PRICKLE1: variants seen among roughly 807,000 people sequenced by gnomAD.
The protein encoded by PRICKLE1 is prickle planar cell polarity protein 1.
In PRICKLE1, 14 loss-of-function variants were observed where a neutral mutation model predicts 70.2. The observed-to-expected ratio is 0.20, with a 90% CI of 0.13 to 0.31. The LOEUF is 0.31. Among genes scored for constraint, PRICKLE1 ranks in the 10% least tolerant of loss-of-function variants. The pLI is 1.00. For synonymous variants in PRICKLE1, 357 were observed against 379.9 expected (o/e 0.94, Z 0.70); for missense variants, 821 against 1,026.2 (o/e 0.80, Z 2.73).
chr12:42,465,227 C>T lies in PRICKLE1; in HGVS notation c.807G>A (p.Gly269=), dbSNP rs757752736. 6.2e-7 allele frequency: 1 copy of T among 1,613,900 alleles called. No individual in the cohort carries two copies. Among genetic ancestry groups the T allele is most frequent in the Non-Finnish European group, 8.5e-7 (1 of 1,179,974 alleles). Residue 269 remains glycine (G), a synonymous_variant, in exon 7 of 8, where the codon GGG becomes GGA. Transcript: ENST00000345127. Reference sequence around the variant, plus strand: ...AGGCTTCCGTGGCGTGCCAGTGCTGCCCGTCATAGGTCATCTGTGCATGGT... The same window carrying T: ...AGGCTTCCGTGGCGTGCCAGTGCTGTCCGTCATAGGTCATCTGTGCATGGT... ...GVDHAQMTYD[G]QHWHATEACF... is the part of the protein sequence containing the mutation.
At chr12:42,520,440 A>G (rs529333125) in intron 1 of PRICKLE1, among the ~76,000 whole-genome samples, 78 of 152,328 alleles carry the variant, frequency 5.1e-4, no homozygotes, top group Middle Eastern at 3.4e-3. Context: ...AAGACATTTC[A>G]TTCTCCCTTA....
At chr12:42,480,200 A>G (rs1938743219) in intron 1 of PRICKLE1, among the ~76,000 whole-genome samples, 1 of 152,114 alleles carries the variant, frequency 6.6e-6, no homozygotes, top group African/African-American at 2.4e-5. Context: ...CCTGTCTCTT[A>G]TTAAGGTGCC....
intron 1 of PRICKLE1, among the ~76,000 whole-genome samples, chr12:42,503,089 T>C (rs10880308): frequency 0.34 from 52,007 of 152,114 alleles, 10,847 homozygotes; most frequent in East Asian, 0.5. Flanking sequence ...CTAAATCAAT[T>C]TGGACTTGTG....
rs187098220 is a variant in PRICKLE1 at position 42,582,110 on chromosome 12, G to A, written c.-49+7355C>T. Among the ~76,000 whole-genome samples the A allele has an allele frequency of 4.3e-3, 657 of 152,298 alleles. 6 individuals are homozygous for A. The highest frequency in any genetic ancestry group is 7.1e-3 in the Non-Finnish European group (485 of 68,020). ...CACTTTTGGCAGTACTTGAGGACACGTTTTTGGCTATTAGCCTGCCAAGCT... is the reference window on the plus strand; with the variant it reads ...CACTTTTGGCAGTACTTGAGGACACATTTTTGGCTATTAGCCTGCCAAGCT... On this transcript the variant is annotated intron_variant, in intron 1 of 7. Transcript: ENST00000345127.
chr12:42,554,058 C>A (rs1592024103), intron 1 of PRICKLE1, among the ~76,000 whole-genome samples: 1 of 152,142 alleles, frequency 6.6e-6, no homozygotes, highest in Non-Finnish European at 1.5e-5. Flanking sequence ...GGACTGAGAT[C>A]CCACCATTGC....
At chr12:42,559,247 A>C (rs534898191) in intron 1 of PRICKLE1, among the ~76,000 whole-genome samples, 1 of 152,318 alleles carries the variant, frequency 6.6e-6, no homozygotes, top group African/African-American at 2.4e-5. Flanking sequence ...TTGAACTGTC[A>C]GAGACCTTAA....
intron 1 of PRICKLE1, among the ~76,000 whole-genome samples, chr12:42,525,904 T>C (rs1939791536): frequency 1.3e-5 from 2 of 152,230 alleles, no homozygotes; most frequent in Non-Finnish European, 1.5e-5. Flanking sequence ...AGATGTCATA[T>C]GTCATTATGA....
chr12:42,489,656 CT>C (rs1207841262), intron 1 of PRICKLE1: 1 of 47,962 alleles, frequency 2.1e-5, no homozygotes, highest in African/African-American at 8.3e-5. Flanking sequence ...CGAGACTTCT[CT>C]AAAAAAAAAA....
At chr12:42,568,700 T>G (rs571967345) in intron 1 of PRICKLE1, among the ~76,000 whole-genome samples, 1 of 152,340 alleles carries the variant, frequency 6.6e-6, no homozygotes, top group African/African-American at 2.4e-5. Context: ...TGAATTTGTT[T>G]TTATAGATTT....
chr12:42,536,118 G>A (rs1410224130), intron 1 of PRICKLE1, among the ~76,000 whole-genome samples: 1 of 152,158 alleles, frequency 6.6e-6, no homozygotes, highest in African/African-American at 2.4e-5. Flanking sequence ...ACGCTCAAAT[G>A]TGCAAAAGCC....
At chr12:42,523,314 G>C (rs946566240) in intron 1 of PRICKLE1, among the ~76,000 whole-genome samples, 1 of 152,148 alleles carries the variant, frequency 6.6e-6, no homozygotes, top group Non-Finnish European at 1.5e-5. Context: ...AGCATTAAAA[G>C]GTTAACCAAG....
chr12:42,478,157 T>C (rs1938644049), intron 1 of PRICKLE1, among the ~76,000 whole-genome samples: 1 of 152,188 alleles, frequency 6.6e-6, no homozygotes, highest in South Asian at 2.1e-4. Context: ...GTGGGATCCA[T>C]TTGAGAGTGT....
intron 1 of PRICKLE1, among the ~76,000 whole-genome samples, chr12:42,555,260 C>A (rs1188092228): frequency 6.6e-6 from 1 of 152,124 alleles, no homozygotes; most frequent in Non-Finnish European, 1.5e-5. Flanking sequence ...GTCGAGATCA[C>A]GCCATTGCAC....
At position 42,468,837 on chromosome 12, in the gene PRICKLE1, C is replaced by A; in HGVS notation, c.385-8G>T. 6.2e-7 allele frequency: 1 copy of A among 1,613,496 alleles called. No homozygotes were observed. Among genetic ancestry groups the A allele is most frequent in the Non-Finnish European group, 8.5e-7 (1 of 1,179,514 alleles). ...ATTTATCTTCAAACCACACTACAAACAAATGGGTTTGAATGTAAAAGGATC... is the reference window on the plus strand; with the variant it reads ...ATTTATCTTCAAACCACACTACAAAAAAATGGGTTTGAATGTAAAAGGATC... On this transcript the variant is annotated splice_region_variant and splice_polypyrimidine_tract_variant and intron_variant, in intron 4 of 7. Coordinates refer to ENST00000345127, the MANE Select transcript of PRICKLE1 (RefSeq NM_153026.3).
At chr12:42,555,038 C>T (rs371529681) in intron 1 of PRICKLE1, among the ~76,000 whole-genome samples, 64 of 152,276 alleles carry the variant, frequency 4.2e-4, no homozygotes, top group African/African-American at 1.5e-3. Context: ...CGCAGTGGCT[C>T]ATCCCTGTAA....
intron 1 of PRICKLE1, among the ~76,000 whole-genome samples, chr12:42,579,291 C>T (rs1008011678): frequency 6.6e-6 from 1 of 152,172 alleles, no homozygotes; most frequent in Non-Finnish European, 1.5e-5. Flanking sequence ...GACTTTTGAG[C>T]AGAGACCTGA....
chr12:42,568,777 T>C (rs536325838), intron 1 of PRICKLE1, among the ~76,000 whole-genome samples: 1 of 152,362 alleles, frequency 6.6e-6, no homozygotes, highest in South Asian at 2.1e-4. Flanking sequence ...TCTTTTAGTG[T>C]AGCCATCACC....
intron 1 of PRICKLE1, among the ~76,000 whole-genome samples, chr12:42,478,210 G>A (rs910146066): frequency 1.3e-5 from 2 of 151,990 alleles, no homozygotes; most frequent in African/African-American, 4.8e-5. Flanking sequence ...CAAAACATCA[G>A]TATTCTTGAC....
chr12:42,569,154 C>A (rs1406058617), intron 1 of PRICKLE1, among the ~76,000 whole-genome samples: 1 of 152,220 alleles, frequency 6.6e-6, no homozygotes, highest in African/African-American at 2.4e-5. Context: ...TTTTCCCTAG[C>A]TGTTACATCC....
Sources: allele counts gnomAD v4.1 joint callset (sites outside exome capture counted in the v4.1 genomes callset), GRCh38; gene constraint gnomAD v4.1.1; transcripts MANE v1.5; gene names NCBI Gene and HGNC (gene_info 2026-07-23, HGNC 2026-07-21).